Variants in SLC9A9 observed in about 807,000 individuals in gnomAD.
SLC9A9 encodes the protein sodium/hydrogen exchanger 9.
SLC9A9 carries 62 observed loss-of-function variants against 77.8 expected under a neutral mutation model. The observed-to-expected ratio is 0.80, with a 90% CI of 0.65 to 0.98. SLC9A9 has a LOEUF of 0.98. SLC9A9 is among the 50% of genes least tolerant of loss of function. SLC9A9 has a pLI of 0.00. For missense variants in SLC9A9, 775 were observed against 774.9 expected (o/e 1.00, Z 0.00); for synonymous variants, 320 against 283.5 (o/e 1.13, Z -1.29).
chr3:143,833,051 G>T (rs4839672), intron 1 of SLC9A9, among the ~76,000 whole-genome samples: 143,030 of 152,176 alleles, frequency 0.94, 67,446 homozygotes, highest in East Asian at 1. Flanking sequence ...TAAACTCTGT[G>T]AAGATGCTCA....
At chr3:143,711,467 G>A (rs1250628534) in intron 4 of SLC9A9, among the ~76,000 whole-genome samples, 1 of 151,936 alleles carries the variant, frequency 6.6e-6, no homozygotes, top group Non-Finnish European at 1.5e-5. Context: ...GCTGGAGTGC[G>A]GTGGTGCTCG....
intron 12 of SLC9A9, among the ~76,000 whole-genome samples, chr3:143,399,950 T>A (rs981063144): frequency 1.3e-5 from 2 of 152,184 alleles, no homozygotes; most frequent in African/African-American, 4.8e-5. Flanking sequence ...AAAAATTTGT[T>A]ACACTCATAT....
At chr3:143,676,883 C>A (rs924958447) in intron 5 of SLC9A9, among the ~76,000 whole-genome samples, 1 of 152,176 alleles carries the variant, frequency 6.6e-6, no homozygotes, top group Non-Finnish European at 1.5e-5. Context: ...GAAGGGAGTT[C>A]TTTTACTACT....
At chr3:143,569,823 T>C (rs1302265238) in intron 8 of SLC9A9, among the ~76,000 whole-genome samples, 6 of 150,968 alleles carry the variant, frequency 4.0e-5, no homozygotes, top group Admixed American at 4.0e-4. Context: ...TCTTTTTTTT[T>C]TTTTTTTGGA....
intron 9 of SLC9A9, among the ~76,000 whole-genome samples, chr3:143,531,063 A>G (rs933881152): frequency 6.6e-6 from 1 of 152,252 alleles, no homozygotes; most frequent in African/African-American, 2.4e-5. Flanking sequence ...AACATTTTGT[A>G]AAAACTAATG....
intron 12 of SLC9A9, among the ~76,000 whole-genome samples, chr3:143,417,735 C>A (rs769501124): frequency 3.3e-5 from 5 of 151,980 alleles, no homozygotes; most frequent in Non-Finnish European, 7.4e-5. Flanking sequence ...GACTCCAGAA[C>A]CGTAAGTAAT....
At chr3:143,552,229 C>A in intron 9 of SLC9A9, 133 bp downstream of exon 9, 3 of 635,772 alleles carry the variant, frequency 4.7e-6, no homozygotes, top group South Asian at 4.6e-5. Context: ...TATAAATATC[C>A]AACTCGTAAT....
At chr3:143,711,591 T>TG (rs1934197015) in intron 4 of SLC9A9, among the ~76,000 whole-genome samples, 1 of 150,906 alleles carries the variant, frequency 6.6e-6, no homozygotes, top group Non-Finnish European at 1.5e-5. Context: ...TTTTTTTTTT[T>TG]TTTTTTTAAA....
At chr3:143,668,318 C>G (rs1362227625) in intron 5 of SLC9A9, among the ~76,000 whole-genome samples, 1 of 119,036 alleles carries the variant, frequency 8.4e-6, no homozygotes, top group Non-Finnish European at 1.6e-5. Context: ...ACATCACACC[C>G]TGGGGCCTGT....
At chr3:143,740,985 G>A (rs1935059751) in intron 4 of SLC9A9, among the ~76,000 whole-genome samples, 1 of 152,186 alleles carries the variant, frequency 6.6e-6, no homozygotes, top group African/African-American at 2.4e-5. Context: ...TAGAGTTGGA[G>A]ACATCAGCAA....
At chr3:143,748,751 C>T (rs1434719503) in intron 4 of SLC9A9, among the ~76,000 whole-genome samples, 27 of 140,162 alleles carry the variant, frequency 1.9e-4, no homozygotes, top group Admixed American at 9.1e-4. Context: ...GGCCGGACTG[C>T]GGACTGCAGT....
At chr3:143,529,872 G>C (rs542206417) in intron 9 of SLC9A9, among the ~76,000 whole-genome samples, 1 of 152,264 alleles carries the variant, frequency 6.6e-6, no homozygotes, top group East Asian at 1.9e-4. Flanking sequence ...GTCTATCAAA[G>C]GAGTGCCCTA....
At chr3:143,548,874 G>A (rs1203288114) in intron 9 of SLC9A9, among the ~76,000 whole-genome samples, 1 of 152,114 alleles carries the variant, frequency 6.6e-6, no homozygotes, top group Non-Finnish European at 1.5e-5. Context: ...TTGATTAACT[G>A]GTATAGACAC....
intron 4 of SLC9A9, among the ~76,000 whole-genome samples, chr3:143,708,851 G>A (rs1303970952): frequency 6.6e-6 from 1 of 152,162 alleles, no homozygotes; most frequent in Non-Finnish European, 1.5e-5. Flanking sequence ...TTGGGAGGAG[G>A]GATAACAAGC....
intron 14 of SLC9A9, among the ~76,000 whole-genome samples, chr3:143,273,112 G>A (rs1312840244): frequency 6.6e-6 from 1 of 152,228 alleles, no homozygotes; most frequent in Admixed American, 6.5e-5. Flanking sequence ...TCCATTGTAT[G>A]TTGCTAAAAC....
rs137925528 is a variant in SLC9A9 at position 143,732,970 on chromosome 3, GAAACCATCA to G, written c.534-39672_534-39664del. On this transcript the variant is annotated intron_variant, in intron 4 of 15. Transcript: ENST00000316549. ...GTGCAACTAAGGCCAAAAAGTCATC[GAAACCATCA>G]ATGACCTGAACATCATTAGGTAATA... Among the ~76,000 whole-genome samples, 1,115 of 152,246 alleles carry G rather than the reference GAAACCATCA, an allele frequency of 7.3e-3. 8 individuals carry two copies. The highest frequency in any genetic ancestry group is 0.025 in the African/African-American group (1,045 of 41,524).
intron 11 of SLC9A9, among the ~76,000 whole-genome samples, chr3:143,484,408 C>G (rs1376268125): frequency 6.6e-6 from 1 of 152,160 alleles, no homozygotes; most frequent in Non-Finnish European, 1.5e-5. Context: ...ATATTTAAAA[C>G]TTTAGGACCT....
intron 2 of SLC9A9, among the ~76,000 whole-genome samples, chr3:143,803,131 A>G (rs2108865109): frequency 6.6e-6 from 1 of 152,248 alleles, no homozygotes; most frequent in Non-Finnish European, 1.5e-5. Context: ...ACTGCCGTCC[A>G]CCTGCAGGAT....
chr3:143,767,033 C>G (rs948149836), intron 4 of SLC9A9, among the ~76,000 whole-genome samples: 1 of 152,170 alleles, frequency 6.6e-6, no homozygotes, highest in Admixed American at 6.6e-5. Context: ...ATTAATACCA[C>G]TATGATCTGA....
Sources: allele counts gnomAD v4.1 joint callset (sites outside exome capture counted in the v4.1 genomes callset), GRCh38; gene constraint gnomAD v4.1.1; transcripts MANE v1.5; gene names NCBI Gene and HGNC (gene_info 2026-07-23, HGNC 2026-07-21).